PUS7: variants seen among roughly 807,000 people sequenced by gnomAD.
The protein encoded by PUS7 is pseudouridylate synthase 7 homolog.
PUS7 carries 48 observed loss-of-function variants against 79.8 expected under a neutral mutation model. That is an observed-to-expected ratio of 0.60 (90% CI 0.48 to 0.76). PUS7 has a LOEUF of 0.76. Among genes scored for constraint, PUS7 ranks in the 30% least tolerant of loss-of-function variants. The probability of loss-of-function intolerance (pLI) is 0.00; values close to 1 mark genes in which losing one functional copy is unlikely to be tolerated. For synonymous variants in PUS7, 286 were observed against 272.2 expected, an observed-to-expected ratio of 1.05 and a Z score of -0.50; for missense variants, 729 against 797.6, an observed-to-expected ratio of 0.91 and a Z score of 1.04.
At chr7:105,501,530 A>T (rs1203031660) in intron 5 of PUS7, among the ~76,000 whole-genome samples, 1 of 152,224 alleles carries the variant, frequency 6.6e-6, no homozygotes, top group African/African-American at 2.4e-5. Context: ...GATACACAAC[A>T]AAAGATGGGC....
chr7:105,498,617 G>C (rs1381141155), intron 5 of PUS7, among the ~76,000 whole-genome samples: 1 of 152,078 alleles, frequency 6.6e-6, no homozygotes, highest in African/African-American at 2.4e-5. Flanking sequence ...TGAAAAGATG[G>C]GGTAGCATGC....
rs369396600 is a variant in PUS7 at position 105,470,700 on chromosome 7, A to G, written c.1386T>C (p.Ser462=). Residue 462 remains serine, a synonymous_variant, in exon 11 of 16, where the codon TCT becomes TCC. Transcript: ENST00000469408. The part of the protein sequence containing the change: ...LSKYGMKNIV[S]AFGIIPRNNR... ...AAATTGCACTCACTATGCCAAATGCAGAGACTATATTCTTCATTCCATATT... is the reference window on the plus strand; with the variant it reads ...AAATTGCACTCACTATGCCAAATGCGGAGACTATATTCTTCATTCCATATT... 1 of 1,595,680 alleles carries G rather than the reference A, an allele frequency of 6.3e-7. No homozygotes were observed. Among genetic ancestry groups the G allele is most frequent in the African/African-American group, 1.3e-5 (1 of 74,692 alleles).
At chr7:105,470,493 G>C (rs894517724) in intron 11 of PUS7, 195 bp downstream of exon 11, 10 of 460,536 alleles carry the variant, frequency 2.2e-5, no homozygotes, top group Non-Finnish European at 3.3e-5. Context: ...CCCTCAATAA[G>C]TAATGCCCGC....
intron 7 of PUS7, among the ~76,000 whole-genome samples, chr7:105,490,838 A>G (rs1255387024): frequency 1.3e-5 from 2 of 152,218 alleles, no homozygotes; most frequent in Admixed American, 1.3e-4. Context: ...GCCTCAGGGA[A>G]TATCTGACAA....
chr7:105,467,793 C>G (rs1823718054), intron 12 of PUS7, among the ~76,000 whole-genome samples: 1 of 151,782 alleles, frequency 6.6e-6, no homozygotes, highest in African/African-American at 2.4e-5. Flanking sequence ...CTTTGGGAGG[C>G]CAAGGCAGGC....
rs376491324 is a variant in PUS7, at chr7:105,496,792, T to C, written c.731-1539A>G. The stretch of plus-strand genomic sequence containing the variant: ...TTACAAGTATTTCTTTAGTCCTTGG[T>C]GTGAATTCCTCACAAGTTCTTCAGA... On this transcript the variant is annotated intron_variant, in intron 5 of 15. Transcript: ENST00000469408. Among the ~76,000 whole-genome samples the C allele has an allele frequency of 2.0e-5, 3 of 152,182 alleles. No homozygotes were observed. The South Asian group carries it at 6.2e-4, about 31-fold the overall frequency.
rs779404300 is a variant in PUS7 at position 105,457,776 on chromosome 7, G to A, written c.*14C>T. ...CACTTGTGTACGTTTTCTAATCTGT[G>A]GACAAGGTACTGCTCAGCGAAGCCA... is the stretch of plus-strand genomic sequence containing the variant. On this transcript the variant is annotated 3_prime_UTR_variant, in exon 16 of 16. Transcript: ENST00000469408. 2 of 1,611,908 alleles carry A rather than the reference G, an allele frequency of 1.2e-6. No individual in the cohort carries two copies. The highest frequency in any genetic ancestry group is 8.5e-7 in the Non-Finnish European group (1 of 1,178,766).
rs138383358 is a variant in PUS7 at position 105,469,620 on chromosome 7, T to C, written c.1398+1068A>G. The stretch of plus-strand genomic sequence containing the variant: ...GATTACAGGCGTCTGCCACCACGCC[T>C]GGCTATTTTTTGTATTTTTAGTAGA... On this transcript the variant is annotated intron_variant, in intron 11 of 15. Transcript: ENST00000469408. Among the ~76,000 whole-genome samples the C allele has an allele frequency of 8.4e-3, 1,272 of 152,294 alleles. 13 individuals carry two copies. The highest frequency in any genetic ancestry group is 0.029 in the African/African-American group (1,218 of 41,560).
intron 1 of PUS7, among the ~76,000 whole-genome samples, chr7:105,519,402 G>C (rs915047076): frequency 5.9e-5 from 9 of 152,034 alleles, no homozygotes; most frequent in African/African-American, 1.2e-4. Flanking sequence ...ACCACATCCA[G>C]CTAATTTTTG....
intron 14 of PUS7, among the ~76,000 whole-genome samples, chr7:105,461,480 G>A (rs979365816): frequency 6.6e-6 from 1 of 152,110 alleles, no homozygotes; most frequent in African/African-American, 2.4e-5. Flanking sequence ...TTCAGCCTCT[G>A]GAGTCTCCGG....
intron 14 of PUS7, among the ~76,000 whole-genome samples, chr7:105,460,875 A>AAAG: frequency 6.6e-6 from 1 of 150,500 alleles, no homozygotes; most frequent in Non-Finnish European, 1.5e-5. Flanking sequence ...AAAAAAAAAA[A>AAAG]ATTTGTTTTT....
At chr7:105,461,515 G>C (rs976107814) in intron 14 of PUS7, among the ~76,000 whole-genome samples, 1 of 152,074 alleles carries the variant, frequency 6.6e-6, no homozygotes, top group African/African-American at 2.4e-5. Context: ...CACTGTGCCC[G>C]GCTTAGCTTC....
intron 11 of PUS7, among the ~76,000 whole-genome samples, chr7:105,468,863 C>T (rs565415506): frequency 5.3e-5 from 8 of 151,812 alleles, no homozygotes; most frequent in Non-Finnish European, 8.8e-5. Flanking sequence ...TAGTGGTAAT[C>T]GTAGTAATAA....
At chr7:105,514,230 C>G (rs1385021123) in intron 1 of PUS7, among the ~76,000 whole-genome samples, 1 of 76,870 alleles carries the variant, frequency 1.3e-5, no homozygotes, top group Admixed American at 1.4e-4. Context: ...GACTCCGTCT[C>G]AAAAAAAAAA....
intron 7 of PUS7, among the ~76,000 whole-genome samples, chr7:105,489,147 CAAAAAAAAAAAAA>C (rs762504334): frequency 5.9e-5 from 2 of 33,710 alleles, no homozygotes; most frequent in Non-Finnish European, 1.3e-4. Context: ...AACTCCATCT[CAAAAAAAAAAAAA>C]AAAAAAAAGA....
chr7:105,512,525 CAGG>C (rs1476040961), intron 1 of PUS7, among the ~76,000 whole-genome samples: 3 of 152,172 alleles, frequency 2.0e-5, no homozygotes, highest in African/African-American at 4.8e-5. Flanking sequence ...GAAGGAAAAG[CAGG>C]AGAAGGTCAT....
intron 1 of PUS7, among the ~76,000 whole-genome samples, chr7:105,513,807 C>T (rs1825788691): frequency 7.3e-6 from 1 of 136,126 alleles, no homozygotes; most frequent in Non-Finnish European, 1.6e-5. Flanking sequence ...CACTGCACTC[C>T]AGCCTGGGTG....
chr7:105,521,927 CG>C (rs1451976583), intron 1 of PUS7, 124 bp downstream of exon 1: 1 of 152,510 alleles, frequency 6.6e-6, no homozygotes, highest in African/African-American at 2.4e-5. Flanking sequence ...CTGACCACTG[CG>C]GGGCCGCCTT....
intron 2 of PUS7, 45 bp downstream of exon 2, chr7:105,508,070 A>C: frequency 2.6e-6 from 4 of 1,537,858 alleles, no homozygotes; most frequent in Non-Finnish European, 3.5e-6. Flanking sequence ...TCTAAAGAAG[A>C]AACCTAATAC....
Sources: allele counts gnomAD v4.1 joint callset (sites outside exome capture counted in the v4.1 genomes callset), GRCh38; gene constraint gnomAD v4.1.1; transcripts MANE v1.5; gene names NCBI Gene and HGNC (gene_info 2026-07-23, HGNC 2026-07-21).